Variants in TAAR1 observed in about 807,000 individuals in gnomAD.
TAAR1 encodes the protein trace amine-associated receptor 1.
Under a neutral mutation model 1.2 loss-of-function variants are expected in TAAR1, and 1 was observed. The ratio of observed to expected loss-of-function variants is 0.81; its 90% CI spans 0.29 to 3.86. The LOEUF is 3.86. Ranked by LOEUF, TAAR1 falls within the 30% of genes most tolerant of loss-of-function variation. TAAR1 has a pLI of 0.18. For synonymous variants in TAAR1, 153 were observed against 132.2 expected (o/e 1.16, Z -1.08); for missense variants, 445 against 405.6 (o/e 1.10, Z -0.83).
At chr6:132,651,056 C>T (rs1415203293) in intron 1 of TAAR1, among the ~76,000 whole-genome samples, 1 of 152,210 alleles carries the variant, frequency 6.6e-6, no homozygotes, top group East Asian at 1.9e-4. Context: ...AGTTATTCTA[C>T]ATTACTAAAC....
chr6:132,649,110 T>C (rs538926374), intron 1 of TAAR1, among the ~76,000 whole-genome samples: 1 of 152,284 alleles, frequency 6.6e-6, no homozygotes, highest in East Asian at 1.9e-4. Flanking sequence ...TCCTAATTGT[T>C]CAGAATTTCA....
intron 1 of TAAR1, among the ~76,000 whole-genome samples, chr6:132,648,053 C>A (rs1033933858): frequency 1.7e-4 from 26 of 151,966 alleles, no homozygotes; most frequent in African/African-American, 5.6e-4. Context: ...AAACAGCAAA[C>A]AAAAACTGTT....
intron 1 of TAAR1, among the ~76,000 whole-genome samples, chr6:132,657,918 T>G (rs552078009): frequency 1.3e-5 from 2 of 152,136 alleles, no homozygotes; most frequent in Non-Finnish European, 1.5e-5. Context: ...GTTTATAAAT[T>G]GAGTTTCATT....
intron 1 of TAAR1, among the ~76,000 whole-genome samples, chr6:132,647,326 A>T (rs1777683888): frequency 6.7e-6 from 1 of 150,348 alleles, no homozygotes. Context: ...TCTGAGCTAA[A>T]TTCTAGAACT....
chr6:132,657,451 G>A (rs1777816817), intron 1 of TAAR1, among the ~76,000 whole-genome samples: 1 of 151,422 alleles, frequency 6.6e-6, no homozygotes. Context: ...AAATGATCTG[G>A]TTCTTTCTAT....
Position 132,645,138 on chromosome 6 carries a change from A to G in TAAR1, c.866T>C (p.Leu289Ser), listed in dbSNP as rs1187228701. The change falls in exon 2 of 2, where the codon TTG becomes TCG. Residue 289 changes from leucine to serine, a missense_variant. Leu to Ser is a moderately radical substitution (Grantham distance 145). Coordinates refer to ENST00000275216, the MANE Select transcript of TAAR1 (RefSeq NM_138327.4). ...YIIPPTLNDV[L>S]IWFGYLNSTF... is the part of the protein sequence containing the mutation. ...AGAGTTCAAGTAGCCAAACCAAATC[A>G]ATACATCATTCAAAGTAGGTGGAAT... The G allele has an allele frequency of 6.2e-7, 1 of 1,613,132 alleles. No individual in the cohort carries two copies. Among genetic ancestry groups the G allele is most frequent in the African/African-American group, 1.3e-5 (1 of 74,846 alleles).
rs551524059 is a variant in TAAR1 at position 132,644,571 on chromosome 6, A to G, written c.*413T>C. On this transcript the variant is annotated 3_prime_UTR_variant, in exon 2 of 2. Coordinates refer to ENST00000275216, the MANE Select transcript of TAAR1 (RefSeq NM_138327.4). ...AATGTGTGTACTTTTAGTTGATTTT[A>G]CTAAAAGACTTATACACATATGTGA... Among the ~76,000 whole-genome samples, 30 of 152,036 alleles carry G rather than the reference A, an allele frequency of 2.0e-4. No individual in the cohort carries two copies. The highest frequency in any genetic ancestry group is 3.2e-4 in the Non-Finnish European group (22 of 67,962).
intron 1 of TAAR1, among the ~76,000 whole-genome samples, chr6:132,653,881 C>G (rs536504512): frequency 6.6e-6 from 1 of 152,212 alleles, no homozygotes; most frequent in African/African-American, 2.4e-5. Context: ...ATCGGAGCAT[C>G]ATAAAGAAAA....
Position 132,645,319 on chromosome 6 carries a change from G to C in TAAR1, c.685C>G (p.Gln229Glu). The C allele has an allele frequency of 6.2e-7, 1 of 1,613,476 alleles. No individual in the cohort carries two copies. Among genetic ancestry groups the C allele is most frequent in the South Asian group, 1.1e-5 (1 of 91,062 alleles). ...ATTTCCAATCCAATTTGGAGCTTCT[G>C]ATTGGCATCACTAATTAATCTTGCC... ...EQARLISDAN[Q>E]KLQIGLEMKN... The change falls in exon 2 of 2, where the codon CAG becomes GAG. Residue 229 changes from glutamine (Q) to glutamate (E), a missense_variant. Coordinates refer to ENST00000275216, the MANE Select transcript of TAAR1 (RefSeq NM_138327.4).
In TAAR1 at chr6:132,646,015, G is replaced by A. The variant is rs188922864; in HGVS notation, c.-12C>T. 1.9e-6 allele frequency: 3 copies of A among 1,564,614 alleles called. No homozygotes were observed. Among genetic ancestry groups the A allele is most frequent in the Non-Finnish European group, 2.6e-6 (3 of 1,153,552 alleles). ...CAAAAGGGCATCATTCCTGAGGGCT[G>A]TCAATCAGTTTACTTTTCCCTTTGT... On this transcript the variant is annotated 5_prime_UTR_variant, in exon 2 of 2. Coordinates refer to ENST00000275216, the MANE Select transcript of TAAR1 (RefSeq NM_138327.4).
Position 132,644,251 on chromosome 6 carries a change from C to G in TAAR1, c.*733G>C, listed in dbSNP as rs1053350171. On this transcript the variant is annotated 3_prime_UTR_variant, in exon 2 of 2. Coordinates refer to ENST00000275216, the MANE Select transcript of TAAR1 (RefSeq NM_138327.4). Reference sequence around the variant, plus strand: ...ATGCATTATATTTAGTTAATATGTGCACATATGCCCCGACTCCAAAATAAA... The same window carrying G: ...ATGCATTATATTTAGTTAATATGTGGACATATGCCCCGACTCCAAAATAAA... Among the ~76,000 whole-genome samples the G allele has an allele frequency of 6.6e-6, 1 of 151,714 alleles. No homozygotes were observed. The highest frequency in any genetic ancestry group is 2.4e-5 in the African/African-American group (1 of 41,334).
intron 1 of TAAR1, among the ~76,000 whole-genome samples, chr6:132,655,575 G>A (rs1777797152): frequency 6.6e-6 from 1 of 151,978 alleles, no homozygotes; most frequent in South Asian, 2.1e-4. Flanking sequence ...TTGAATGCCT[G>A]GGGCTCCAAG....
At chr6:132,653,629 T>C (rs1001538435) in intron 1 of TAAR1, among the ~76,000 whole-genome samples, 23 of 152,354 alleles carry the variant, frequency 1.5e-4, no homozygotes, top group Non-Finnish European at 1.5e-5. Context: ...TTGTGCTTGC[T>C]TTGATAATAA....
Position 132,644,337 on chromosome 6 carries a change from G to A in TAAR1, c.*647C>T, listed in dbSNP as rs1469984091. Among the ~76,000 whole-genome samples, 1 of 151,422 alleles carries A rather than the reference G, an allele frequency of 6.6e-6. No individual in the cohort carries two copies. Among genetic ancestry groups the A allele is most frequent in the Non-Finnish European group, 1.5e-5 (1 of 67,808 alleles). On this transcript the variant is annotated 3_prime_UTR_variant, in exon 2 of 2. Transcript: ENST00000275216. ...ATTTTAGATGATATAATCCTTACCA[G>A]GAAGTATACTATGAATAACATTTTT...
rs760130530 is a variant in TAAR1, at chr6:132,645,157, G to A, written c.847C>T (p.Pro283Ser). The A allele has an allele frequency of 6.2e-7, 1 of 1,612,652 alleles. No homozygotes were observed. Among genetic ancestry groups the A allele is most frequent in the South Asian group, 1.1e-5 (1 of 90,734 alleles). ...MDPFLHYIIP[P>S]TLNDVLIWFG... ...CAAATCAATACATCATTCAAAGTAG[G>A]TGGAATAATGTAGTGAAGAAAAGGG... Residue 283 changes from proline to serine, a missense_variant, in exon 2 of 2, where the codon CCT (proline) becomes TCT (serine). Pro to Ser is a moderately conservative substitution (Grantham distance 74, BLOSUM62 -1). Coordinates refer to ENST00000275216, the MANE Select transcript of TAAR1 (RefSeq NM_138327.4).
intron 1 of TAAR1, among the ~76,000 whole-genome samples, chr6:132,650,823 T>C (rs1777741130): frequency 6.6e-6 from 1 of 152,124 alleles, no homozygotes; most frequent in Non-Finnish European, 1.5e-5. Context: ...TCTTCAGTGG[T>C]TCTCTTCCAA....
At chr6:132,649,763 A>G (rs1314553294) in intron 1 of TAAR1, among the ~76,000 whole-genome samples, 2 of 152,122 alleles carry the variant, frequency 1.3e-5, no homozygotes, top group Admixed American at 6.6e-5. Context: ...CCATCATTCA[A>G]TTACCTCCCA....
Position 132,645,403 on chromosome 6 carries a change from T to C in TAAR1, c.601A>G (p.Ile201Val), listed in dbSNP as rs774606348. 15 of 1,613,510 alleles carry C rather than the reference T, an allele frequency of 9.3e-6. No individual in the cohort carries two copies. Among genetic ancestry groups the C allele is most frequent in the Non-Finnish European group, 1.2e-5 (14 of 1,179,780 alleles). Residue 201 changes from isoleucine to valine, a missense_variant, in exon 2 of 2, where the codon ATA becomes GTA. By Grantham distance (29) the Ile-to-Val change is conservative (BLOSUM62 3). Coordinates refer to ENST00000275216, the MANE Select transcript of TAAR1 (RefSeq NM_138327.4). ...GVLTFMTSFY[I>V]PGSIMLCVYY... ...ACACATAACATAATAGATCCAGGTA[T>C]ATAAAAAGAAGTCATAAAGGTCAGT...
rs1777842827 is a variant in TAAR1, at chr6:132,659,180, A to G, written c.-177T>C. 6.6e-6 allele frequency among the ~76,000 whole-genome samples: 1 copy of G among 152,198 alleles called. No homozygotes were observed. The highest frequency in any genetic ancestry group is 1.5e-5 in the Non-Finnish European group (1 of 68,040). On this transcript the variant is annotated 5_prime_UTR_variant, in exon 1 of 2. Transcript: ENST00000275216. ...CAGCGGATGAGCAGACAGCAGGAAC[A>G]CTGCCTTTGGGACCAGTCTGCATCA...
Sources: gnomAD v4.1 joint callset for allele counts (sites outside exome capture counted in the v4.1 genomes callset) on GRCh38, gnomAD v4.1.1 for gene constraint, MANE v1.5 for transcripts, NCBI Gene and HGNC (gene_info 2026-07-23, HGNC 2026-07-21) for gene names.